PDE3A: variants seen among roughly 807,000 people sequenced by gnomAD.
PDE3A encodes phosphodiesterase 3A, also known as cGMP-inhibited 3',5'-cyclic phosphodiesterase 3A.
A neutral mutation model predicts 98.3 loss-of-function variants in PDE3A; 43 were observed. The observed-to-expected ratio is 0.44, with a 90% confidence interval of 0.34 to 0.56. The LOEUF (loss-of-function observed/expected upper bound fraction) is 0.56, where lower values mean the gene tolerates loss of function less well. PDE3A is among the 20% of genes least tolerant of loss of function. The pLI is 0.01. For synonymous variants in PDE3A, 663 were observed against 567.9 expected (o/e 1.17, Z -2.38); for missense variants, 1,427 against 1,440.7 (o/e 0.99, Z 0.15).
intron 1 of PDE3A, among the ~76,000 whole-genome samples, chr12:20,390,189 G>T (rs140796901): frequency 6.8e-4 from 103 of 151,962 alleles, no homozygotes; most frequent in African/African-American, 2.4e-3. Flanking sequence ...AGATAAGGGG[G>T]ATGTGGGGCC....
At chr12:20,618,505 G>C (rs1944062260) in intron 4 of PDE3A, among the ~76,000 whole-genome samples, 1 of 151,928 alleles carries the variant, frequency 6.6e-6, no homozygotes, top group Non-Finnish European at 1.5e-5. Context: ...ATTTACCCCT[G>C]GGTAATTTTA....
intron 2 of PDE3A, among the ~76,000 whole-genome samples, chr12:20,581,829 G>A (rs4475971): frequency 0.57 from 86,231 of 151,204 alleles, 24,590 homozygotes; most frequent in Admixed American, 0.61. Flanking sequence ...AGCCGGGATG[G>A]TCTCGATCTC....
chr12:20,536,376 G>A (rs1051675657), intron 1 of PDE3A, among the ~76,000 whole-genome samples: 2 of 151,718 alleles, frequency 1.3e-5, no homozygotes, highest in Non-Finnish European at 2.9e-5. Flanking sequence ...AGGTATTATT[G>A]AAATATGATT....
At chr12:20,549,230 A>C (rs1180532960) in intron 1 of PDE3A, among the ~76,000 whole-genome samples, 2 of 151,730 alleles carry the variant, frequency 1.3e-5, no homozygotes, top group Non-Finnish European at 2.9e-5. Flanking sequence ...TTTTTTATAC[A>C]AATAGGATAA....
At chr12:20,511,425 CACACACACACACACACACACAT>C (rs1291907276) in intron 1 of PDE3A, among the ~76,000 whole-genome samples, 4 of 151,402 alleles carry the variant, frequency 2.6e-5, no homozygotes, top group Non-Finnish European at 5.9e-5. Context: ...AATACACACA[CACACACACACACACACACACAT>C]ACACACACAC....
At chr12:20,418,032 G>A (rs897700215) in intron 1 of PDE3A, among the ~76,000 whole-genome samples, 2 of 151,886 alleles carry the variant, frequency 1.3e-5, no homozygotes, top group African/African-American at 4.8e-5. Context: ...CCATATCACT[G>A]AGCTATTCTA....
At chr12:20,402,315 A>C (rs780156282) in intron 1 of PDE3A, among the ~76,000 whole-genome samples, 1 of 151,868 alleles carries the variant, frequency 6.6e-6, no homozygotes, top group Non-Finnish European at 1.5e-5. Context: ...CGCCCTGCTA[A>C]TTTTTGTATT....
intron 15 of PDE3A, among the ~76,000 whole-genome samples, chr12:20,666,232 T>C (rs1039484479): frequency 3.9e-5 from 6 of 152,188 alleles, no homozygotes; most frequent in African/African-American, 1.4e-4. Flanking sequence ...CCCAAAGTGC[T>C]GGGATTACAG....
chr12:20,462,647 A>AT (rs1486338917), intron 1 of PDE3A, among the ~76,000 whole-genome samples: 1 of 151,984 alleles, frequency 6.6e-6, no homozygotes, highest in Non-Finnish European at 1.5e-5. Context: ...GATTTTTTGG[A>AT]TTTTAAAAAA....
At chr12:20,664,792 T>G (rs112900617) in intron 15 of PDE3A, among the ~76,000 whole-genome samples, 10 of 152,342 alleles carry the variant, frequency 6.6e-5, no homozygotes, top group African/African-American at 2.2e-4. Context: ...TCTTTTTTCT[T>G]TGTAAATTAT....
intron 1 of PDE3A, among the ~76,000 whole-genome samples, chr12:20,436,316 G>C (rs1454723785): frequency 6.6e-6 from 1 of 152,090 alleles, no homozygotes; most frequent in East Asian, 1.9e-4. Flanking sequence ...GGGTGGGGGA[G>C]AGGGGCTATA....
At chr12:20,433,680 A>T (rs1235299046) in intron 1 of PDE3A, among the ~76,000 whole-genome samples, 1 of 152,220 alleles carries the variant, frequency 6.6e-6, no homozygotes, top group African/African-American at 2.4e-5. Context: ...TTAAAAAAAT[A>T]CACAAGATGT....
chr12:20,395,605 A>G (rs1944002483), intron 1 of PDE3A, among the ~76,000 whole-genome samples: 1 of 147,362 alleles, frequency 6.8e-6, no homozygotes, highest in Admixed American at 6.8e-5. Flanking sequence ...GTATACACAT[A>G]GTATATATAT....
chr12:20,386,263 A>C (rs1565532812), intron 1 of PDE3A, among the ~76,000 whole-genome samples: 1 of 132,530 alleles, frequency 7.5e-6, no homozygotes, highest in African/African-American at 2.9e-5. Context: ...TTATATTAAT[A>C]TATTATATTA....
chr12:20,495,106 A>G (rs927100112), intron 1 of PDE3A, among the ~76,000 whole-genome samples: 3 of 152,110 alleles, frequency 2.0e-5, no homozygotes, highest in African/African-American at 4.8e-5. Flanking sequence ...ATGTTCCATG[A>G]ATTTTTATAT....
chr12:20,550,610 G>A (rs181496407), intron 1 of PDE3A, among the ~76,000 whole-genome samples: 140 of 152,026 alleles, frequency 9.2e-4, no homozygotes, highest in East Asian at 7.7e-4. Flanking sequence ...TACTATGTAA[G>A]CATTCAATTT....
At chr12:20,635,291 G>T in intron 8 of PDE3A, among the ~76,000 whole-genome samples, 1 of 152,128 alleles carries the variant, frequency 6.6e-6, no homozygotes, top group East Asian at 1.9e-4. Context: ...GCATAGCCAG[G>T]TGCAGTGGCT....
intron 1 of PDE3A, among the ~76,000 whole-genome samples, chr12:20,399,608 A>C (rs968354808): frequency 6.6e-6 from 1 of 152,254 alleles, no homozygotes; most frequent in Non-Finnish European, 1.5e-5. Flanking sequence ...AAAGCTTAAA[A>C]TACTATTATT....
At chr12:20,647,607 T>C (rs7975353) in intron 12 of PDE3A, among the ~76,000 whole-genome samples, 33,641 of 151,948 alleles carry the variant, frequency 0.22, 4,137 homozygotes, top group East Asian at 0.45. Context: ...CATTCTGAGA[T>C]CCTCTGTTCT....
Sources: allele counts gnomAD v4.1 joint callset (sites outside exome capture counted in the v4.1 genomes callset), GRCh38; gene constraint gnomAD v4.1.1; transcripts MANE v1.5; gene names NCBI Gene and HGNC (gene_info 2026-07-23, HGNC 2026-07-21).